Variants in RBFOX1 observed in about 807,000 individuals in gnomAD.
RBFOX1 encodes RNA binding protein fox-1 homolog 1.
In RBFOX1, 8 loss-of-function variants were observed where a neutral mutation model predicts 57.7. The ratio of observed to expected loss-of-function variants is 0.14; its 90% CI spans 0.08 to 0.25. RBFOX1 has a LOEUF of 0.25. Ranked by LOEUF, RBFOX1 falls within the 10% of genes least tolerant of loss-of-function variation. RBFOX1 has a pLI of 1.00. For missense variants in RBFOX1, 611 were observed against 548.5 expected (o/e 1.11, Z -1.14); for synonymous variants, 326 against 222.4 (o/e 1.47, Z -4.15).
chr16:6,238,174 T>A (rs965949265), intron 1 of RBFOX1, among the ~76,000 whole-genome samples: 5 of 151,892 alleles, frequency 3.3e-5, no homozygotes, highest in Non-Finnish European at 7.4e-5. Flanking sequence ...TATCTGCCAC[T>A]TAGATGACAT....
At chr16:5,681,240 A>ATTTTTT (rs71404546) in intron 3 of RBFOX1, among the ~76,000 whole-genome samples, 18 of 134,610 alleles carry the variant, frequency 1.3e-4, no homozygotes, top group African/African-American at 4.4e-4. Flanking sequence ...TGCCTGGCTA[A>ATTTTTT]TTTTTTTTTT....
At chr16:6,337,579 A>G (rs1205731172) in intron 2 of RBFOX1, among the ~76,000 whole-genome samples, 1 of 152,220 alleles carries the variant, frequency 6.6e-6, no homozygotes, top group African/African-American at 2.4e-5. Context: ...CATTCTTACA[A>G]GCAGCCCAGT....
intron 2 of RBFOX1, among the ~76,000 whole-genome samples, chr16:6,358,719 G>A (rs2087842246): frequency 6.6e-6 from 1 of 152,198 alleles, no homozygotes; most frequent in Admixed American, 6.5e-5. Context: ...AGTAAGAGGT[G>A]AAGCTGGAGT....
intron 3 of RBFOX1, among the ~76,000 whole-genome samples, chr16:7,040,557 G>C (rs1333816693): frequency 6.7e-6 from 1 of 150,298 alleles, no homozygotes; most frequent in African/African-American, 2.5e-5. Context: ...CTGCTTCTCT[G>C]TCCCTTCTTC....
intron 1 of RBFOX1, among the ~76,000 whole-genome samples, chr16:6,154,546 C>T (rs567432083): frequency 5.9e-5 from 9 of 152,216 alleles, no homozygotes; most frequent in Admixed American, 3.9e-4. Flanking sequence ...TGGGAGCCAG[C>T]GGTGATGAGG....
At chr16:5,413,213 C>G (rs1381850052) in intron 1 of RBFOX1, among the ~76,000 whole-genome samples, 3 of 152,108 alleles carry the variant, frequency 2.0e-5, no homozygotes. Context: ...AGAAAAAAAA[C>G]CTGGCATTTT....
chr16:7,687,971 T>C (rs2076423436), intron 14 of RBFOX1, among the ~76,000 whole-genome samples: 1 of 152,006 alleles, frequency 6.6e-6, no homozygotes, highest in African/African-American at 2.4e-5. Context: ...ATGACCGGGG[T>C]GTGGGCCTGG....
At chr16:5,700,045 G>C (rs2050986105) in intron 3 of RBFOX1, among the ~76,000 whole-genome samples, 1 of 152,234 alleles carries the variant, frequency 6.6e-6, no homozygotes, top group East Asian at 1.9e-4. Flanking sequence ...TGTTAGCCAG[G>C]ATGGTTTCGA....
intron 4 of RBFOX1, among the ~76,000 whole-genome samples, chr16:7,278,046 C>A (rs1184928762): frequency 6.6e-6 from 1 of 151,998 alleles, no homozygotes; most frequent in African/African-American, 2.4e-5. Context: ...ATAATGCTAG[C>A]ATTGCCTATC....
intron 4 of RBFOX1, among the ~76,000 whole-genome samples, chr16:7,325,587 C>T (rs182400779): frequency 3.9e-5 from 6 of 152,278 alleles, no homozygotes; most frequent in Admixed American, 3.9e-4. Context: ...GATGTGACTT[C>T]TCTTCTCCGG....
intron 3 of RBFOX1, among the ~76,000 whole-genome samples, chr16:6,853,127 G>A (rs984711456): frequency 5.9e-5 from 9 of 152,204 alleles, no homozygotes; most frequent in Non-Finnish European, 1.0e-4. Flanking sequence ...ATGATTGTGC[G>A]AACTTGGGAA....
At chr16:7,315,256 T>G (rs2096410384) in intron 4 of RBFOX1, among the ~76,000 whole-genome samples, 1 of 152,116 alleles carries the variant, frequency 6.6e-6, no homozygotes, top group South Asian at 2.1e-4. Context: ...TTTAGAAAAT[T>G]AGAATGATAC....
intron 4 of RBFOX1, among the ~76,000 whole-genome samples, chr16:7,330,388 G>GT (rs71391623): frequency 0.82 from 72,296 of 88,046 alleles, 31,024 homozygotes; most frequent in East Asian, 0.93. Context: ...AGGTGCAGAG[G>GT]TTTTTTTTTT....
At chr16:7,620,131 G>GT (rs1383028122) in intron 10 of RBFOX1, among the ~76,000 whole-genome samples, 2 of 152,166 alleles carry the variant, frequency 1.3e-5, no homozygotes, top group African/African-American at 4.8e-5. Context: ...GAAAACCAAA[G>GT]TAAGTCCTCA....
chr16:7,222,531 C>A (rs1442500049), intron 4 of RBFOX1, among the ~76,000 whole-genome samples: 1 of 152,108 alleles, frequency 6.6e-6, no homozygotes, highest in Non-Finnish European at 1.5e-5. Context: ...ATAACAGGAC[C>A]CAGAGGAGAC....
chr16:5,758,680 G>C (rs575704551), intron 3 of RBFOX1, among the ~76,000 whole-genome samples: 1 of 152,290 alleles, frequency 6.6e-6, no homozygotes, highest in African/African-American at 2.4e-5. Flanking sequence ...CACTAATAAA[G>C]AAATGATGTG....
chr16:7,591,951 C>G (rs2094463071), intron 7 of RBFOX1, among the ~76,000 whole-genome samples: 1 of 152,138 alleles, frequency 6.6e-6, no homozygotes. Context: ...AGGTTCCCTG[C>G]TCATAGAGAG....
At chr16:7,229,656 A>G (rs559412769) in intron 4 of RBFOX1, among the ~76,000 whole-genome samples, 1 of 88,348 alleles carries the variant, frequency 1.1e-5, no homozygotes, top group African/African-American at 3.7e-5. Flanking sequence ...AGAGAGAGGG[A>G]GGAAGGGCAA....
intron 3 of RBFOX1, among the ~76,000 whole-genome samples, chr16:5,670,780 G>A (rs2049993112): frequency 6.6e-6 from 1 of 152,206 alleles, no homozygotes; most frequent in Non-Finnish European, 1.5e-5. Context: ...ACTTGGAAGT[G>A]TATCAACCAT....
Sources: gnomAD v4.1 joint callset for allele counts (sites outside exome capture counted in the v4.1 genomes callset) on GRCh38, gnomAD v4.1.1 for gene constraint, MANE v1.5 for transcripts, NCBI Gene and HGNC (gene_info 2026-07-23, HGNC 2026-07-21) for gene names.